LRMDA: variants seen among roughly 807,000 people sequenced by gnomAD.
LRMDA encodes leucine rich melanocyte differentiation associated.
Under a neutral mutation model 29.8 loss-of-function variants are expected in LRMDA, and 18 were observed. The observed-to-expected ratio is 0.60, with a 90% CI of 0.42 to 0.90. The LOEUF (loss-of-function observed/expected upper bound fraction) is 0.90. LRMDA is among the 40% of genes least tolerant of loss of function. The pLI, the probability that LRMDA is intolerant of heterozygous loss-of-function variation, is 0.00. For synonymous variants in LRMDA, 125 were observed against 109.4 expected (o/e 1.14, Z -0.89); for missense variants, 273 against 273.9 (o/e 1.00, Z 0.02).
At chr10:75,798,667 T>C (rs575254905) in intron 2 of LRMDA, among the ~76,000 whole-genome samples, 34 of 152,272 alleles carry the variant, frequency 2.2e-4, no homozygotes, top group Non-Finnish European at 4.1e-4. Context: ...GTGTTTTTAT[T>C]AATGTAACAT....
chr10:75,564,947 A>G (rs1840351026), intron 2 of LRMDA, among the ~76,000 whole-genome samples: 1 of 152,202 alleles, frequency 6.6e-6, no homozygotes, highest in Admixed American at 6.5e-5. Context: ...TGCGTATAAA[A>G]TTTCCCTTTT....
chr10:76,175,329 G>A (rs1243397119), intron 5 of LRMDA, among the ~76,000 whole-genome samples: 1 of 152,182 alleles, frequency 6.6e-6, no homozygotes, highest in East Asian at 1.9e-4. Flanking sequence ...ACCTTGCCTA[G>A]TTTCCTAGTC....
intron 2 of LRMDA, among the ~76,000 whole-genome samples, chr10:75,971,207 A>G (rs1269782763): frequency 6.6e-6 from 1 of 152,154 alleles, no homozygotes; most frequent in Admixed American, 6.5e-5. Flanking sequence ...TCCTTTGGAC[A>G]TTTCCTTCTT....
chr10:75,549,406 C>G (rs772274043), intron 2 of LRMDA, among the ~76,000 whole-genome samples: 2 of 151,990 alleles, frequency 1.3e-5, no homozygotes, highest in African/African-American at 4.8e-5. Flanking sequence ...TGTCCTGGAA[C>G]CAATCTCCCA....
At chr10:75,653,931 C>T (rs1407327089) in intron 2 of LRMDA, among the ~76,000 whole-genome samples, 2 of 152,192 alleles carry the variant, frequency 1.3e-5, no homozygotes, top group Non-Finnish European at 2.9e-5. Flanking sequence ...GCCTTCTCTA[C>T]GTCTGCTAAG....
intron 2 of LRMDA, among the ~76,000 whole-genome samples, chr10:75,579,004 A>G (rs1325838397): frequency 6.6e-6 from 1 of 152,222 alleles, no homozygotes; most frequent in East Asian, 1.9e-4. Flanking sequence ...CAATTCAAAG[A>G]ACTAGAGAAG....
chr10:76,213,806 G>A (rs956245430), intron 5 of LRMDA, among the ~76,000 whole-genome samples: 1 of 152,152 alleles, frequency 6.6e-6, no homozygotes, highest in African/African-American at 2.4e-5. Context: ...TTATTCACTG[G>A]GGGGACATCA....
intron 2 of LRMDA, among the ~76,000 whole-genome samples, chr10:75,550,915 A>G (rs1437768411): frequency 1.3e-5 from 2 of 152,068 alleles, no homozygotes; most frequent in Non-Finnish European, 2.9e-5. Context: ...TAGTTTAAGA[A>G]TCTTACAATG....
intron 5 of LRMDA, among the ~76,000 whole-genome samples, chr10:76,204,921 T>A (rs1851506385): frequency 6.6e-6 from 1 of 152,180 alleles, no homozygotes; most frequent in Non-Finnish European, 1.5e-5. Flanking sequence ...ATCCCTGGCT[T>A]CTGGAGTTTA....
intron 2 of LRMDA, among the ~76,000 whole-genome samples, chr10:75,717,762 A>T (rs1842518857): frequency 6.6e-6 from 1 of 152,190 alleles, no homozygotes; most frequent in Non-Finnish European, 1.5e-5. Flanking sequence ...TAGAGTGTTC[A>T]TGGAAATTGG....
At chr10:76,078,372 A>G (rs923782952) in intron 5 of LRMDA, among the ~76,000 whole-genome samples, 1 of 152,154 alleles carries the variant, frequency 6.6e-6, no homozygotes, top group African/African-American at 2.4e-5. Flanking sequence ...CAGACGTTCC[A>G]TAATGGAAGG....
intron 2 of LRMDA, among the ~76,000 whole-genome samples, chr10:75,730,679 C>T (rs1305327316): frequency 6.6e-6 from 1 of 152,174 alleles, no homozygotes; most frequent in African/African-American, 2.4e-5. Context: ...TTGTTCCCCA[C>T]ACCCTGGGCT....
At chr10:75,475,360 G>C (rs1844777104) in intron 2 of LRMDA, among the ~76,000 whole-genome samples, 1 of 151,806 alleles carries the variant, frequency 6.6e-6, no homozygotes, top group Admixed American at 6.6e-5. Context: ...GGACCCAGGA[G>C]CCTGGGTGAG....
chr10:76,420,332 A>T (rs1842059845), intron 6 of LRMDA, among the ~76,000 whole-genome samples: 1 of 151,888 alleles, frequency 6.6e-6, no homozygotes, highest in Admixed American at 6.6e-5. Context: ...ATTTGCATAA[A>T]ATTGTTCCTA....
In LRMDA at chr10:75,458,800, G is replaced by A. The variant is rs150332698; in HGVS notation, c.131+20306G>A. On this transcript the variant is annotated intron_variant, in intron 2 of 6. Coordinates refer to ENST00000611255, the MANE Select transcript of LRMDA (RefSeq NM_001305581.2). ...ACTAAATTTACTCTTCCTGCCTTGGGCTTGAGAACAGTTATCTTCCTGGTT... is the reference window on the plus strand; with the variant it reads ...ACTAAATTTACTCTTCCTGCCTTGGACTTGAGAACAGTTATCTTCCTGGTT... 1.8e-4 allele frequency among the ~76,000 whole-genome samples: 27 copies of A among 152,208 alleles called. No homozygotes were observed. In the East Asian group the frequency reaches 2.5e-3, roughly 14 times the overall value.
chr10:76,295,814 C>T (rs1840404460), intron 5 of LRMDA, among the ~76,000 whole-genome samples: 1 of 152,192 alleles, frequency 6.6e-6, no homozygotes, highest in Non-Finnish European at 1.5e-5. Flanking sequence ...GAAATCCTAC[C>T]ATTTTTTCCA....
chr10:75,451,831 C>T (rs189678659), intron 2 of LRMDA: 51 of 150,606 alleles, frequency 3.4e-4, no homozygotes, highest in East Asian at 1.8e-3. Flanking sequence ...GCTTTCGCTA[C>T]GTCTTGAGGA....
At chr10:76,055,452 C>T (rs79075262) in intron 4 of LRMDA, among the ~76,000 whole-genome samples, 217 of 152,304 alleles carry the variant, frequency 1.4e-3, no homozygotes, top group African/African-American at 4.7e-3. Context: ...ATAATGTCAC[C>T]GAATCCTTGG....
At chr10:75,791,516 T>C (rs1717715235) in intron 2 of LRMDA, among the ~76,000 whole-genome samples, 1 of 152,210 alleles carries the variant, frequency 6.6e-6, no homozygotes, top group African/African-American at 2.4e-5. Flanking sequence ...CTATTAACAA[T>C]TTAAAGCATA....
Sources: allele counts gnomAD v4.1 joint callset (sites outside exome capture counted in the v4.1 genomes callset), GRCh38; gene constraint gnomAD v4.1.1; transcripts MANE v1.5; gene names NCBI Gene and HGNC (gene_info 2026-07-23, HGNC 2026-07-21).